The following MAGI2 variants were observed in gnomAD, a reference collection of about 807,000 sequenced individuals.
MAGI2 encodes membrane-associated guanylate kinase, WW and PDZ domain-containing protein 2.
MAGI2 carries 35 observed loss-of-function variants against 133.3 expected under a neutral mutation model. The ratio of observed to expected loss-of-function variants is 0.26; its 90% CI spans 0.20 to 0.35. The LOEUF is 0.35. MAGI2 is among the 10% of genes least tolerant of loss of function. The pLI is 1.00. For synonymous variants in MAGI2, 729 were observed against 710.6 expected, an observed-to-expected ratio of 1.03 and a Z score of -0.41; for missense variants, 1,636 against 1,863.4, an observed-to-expected ratio of 0.88 and a Z score of 2.25.
At chr7:79,244,045 T>C (rs779796869) in intron 1 of MAGI2, among the ~76,000 whole-genome samples, 1 of 152,250 alleles carries the variant, frequency 6.6e-6, no homozygotes, top group African/African-American at 2.4e-5. Context: ...TTACATCTAT[T>C]TGATGTTTCT....
chr7:78,396,633 A>T (rs1430407160), intron 6 of MAGI2, among the ~76,000 whole-genome samples: 1 of 151,968 alleles, frequency 6.6e-6, no homozygotes, highest in African/African-American at 2.4e-5. Flanking sequence ...ACATTTTACT[A>T]TTTATTTTCT....
intron 2 of MAGI2, chr7:79,000,331 C>A (rs1413877803): frequency 6.6e-6 from 1 of 152,144 alleles, no homozygotes; most frequent in African/African-American, 2.4e-5. Context: ...ATAAATGTAC[C>A]TTCATAAATA....
intron 1 of MAGI2, among the ~76,000 whole-genome samples, chr7:79,140,619 G>C (rs1822036651): frequency 6.6e-6 from 1 of 152,080 alleles, no homozygotes; most frequent in Admixed American, 6.6e-5. Context: ...AGTCAAAATA[G>C]CACAATGATT....
chr7:78,510,054 G>A (rs1465047358), intron 4 of MAGI2, among the ~76,000 whole-genome samples: 1 of 152,106 alleles, frequency 6.6e-6, no homozygotes, highest in Non-Finnish European at 1.5e-5. Flanking sequence ...AAGTAGGCAT[G>A]GCTGGAAAAC....
intron 1 of MAGI2, among the ~76,000 whole-genome samples, chr7:79,214,407 C>CTCTCTCTA (rs1554406633): frequency 6.2e-4 from 11 of 17,718 alleles, no homozygotes; most frequent in South Asian, 3.7e-3. Context: ...CTCTCTCTCT[C>CTCTCTCTA]TATATATATA....
chr7:78,213,687 A>G (rs73150210), intron 10 of MAGI2, among the ~76,000 whole-genome samples: 13,198 of 152,266 alleles, frequency 0.087, 748 homozygotes, highest in Non-Finnish European at 0.13. Context: ...GTCAAGCTGT[A>G]ACCAATCTGA....
chr7:78,976,230 C>T (rs575799781), intron 2 of MAGI2, among the ~76,000 whole-genome samples: 9 of 151,620 alleles, frequency 5.9e-5, no homozygotes, highest in African/African-American at 9.6e-5. Context: ...TTATAAACTA[C>T]AGACTGGTAA....
At chr7:78,535,422 A>C (rs2150641695) in intron 3 of MAGI2, among the ~76,000 whole-genome samples, 1 of 152,318 alleles carries the variant, frequency 6.6e-6, no homozygotes, top group Non-Finnish European at 1.5e-5. Flanking sequence ...GCAGGGTGTA[A>C]GATGGATTGG....
At chr7:78,941,733 C>T (rs1800995936) in intron 2 of MAGI2, among the ~76,000 whole-genome samples, 1 of 117,690 alleles carries the variant, frequency 8.5e-6, no homozygotes, top group Non-Finnish European at 1.8e-5. Context: ...TTTCATCACA[C>T]ACACACACAC....
intron 1 of MAGI2, among the ~76,000 whole-genome samples, chr7:79,133,504 T>C (rs1821120756): frequency 6.6e-6 from 1 of 152,156 alleles, no homozygotes; most frequent in Non-Finnish European, 1.5e-5. Flanking sequence ...TGTTCCATTG[T>C]CCCATATCCT....
rs543291770 is a variant in MAGI2 at position 79,273,029 on chromosome 7, G to T, written c.301+179991C>A. 7.2e-5 allele frequency among the ~76,000 whole-genome samples: 11 copies of T among 152,084 alleles called. No homozygotes were observed. In the East Asian group the frequency reaches 1.4e-3, roughly 19 times the overall value. On this transcript the variant is annotated intron_variant, in intron 1 of 21. Coordinates refer to ENST00000354212, the MANE Select transcript of MAGI2 (RefSeq NM_012301.4). The stretch of plus-strand genomic sequence containing the variant: ...TTTTTCCAAATTTCTGGAGGTTTTT[G>T]TGGTTAAATACTAGGCAACAGGTTT...
At chr7:79,018,947 C>G (rs569593267) in intron 1 of MAGI2, among the ~76,000 whole-genome samples, 2 of 152,230 alleles carry the variant, frequency 1.3e-5, no homozygotes, top group South Asian at 4.1e-4. Flanking sequence ...TAATGGAAGA[C>G]TTTAACACTC....
intron 2 of MAGI2, among the ~76,000 whole-genome samples, chr7:78,638,444 C>G (rs910557096): frequency 6.6e-6 from 1 of 152,236 alleles, no homozygotes; most frequent in Non-Finnish European, 1.5e-5. Context: ...TCCAAAGAAA[C>G]TTTGGTTGCA....
chr7:78,361,034 T>C (rs1259753374), intron 7 of MAGI2, among the ~76,000 whole-genome samples: 4 of 152,122 alleles, frequency 2.6e-5, no homozygotes, highest in African/African-American at 7.2e-5. Flanking sequence ...CTGTGTGCTA[T>C]TGTGCTATTT....
chr7:78,823,095 CA>C lies in MAGI2; in HGVS notation c.418+183994del, dbSNP rs1383666825. Among the ~76,000 whole-genome samples, 4 of 152,210 alleles carry C rather than the reference CA, an allele frequency of 2.6e-5. No individual in the cohort carries two copies. The South Asian group carries it at 8.3e-4, about 32-fold the overall frequency. ...GGCTCATTAGTTAGAATTTTTAGTT[CA>C]TTTTAAGACTTAAATTGTAAGGTAA... On this transcript the variant is annotated intron_variant, in intron 2 of 21. Transcript: ENST00000354212.
chr7:79,086,849 T>G (rs971410757), intron 1 of MAGI2, among the ~76,000 whole-genome samples: 1 of 151,892 alleles, frequency 6.6e-6, no homozygotes, highest in African/African-American at 2.4e-5. Context: ...TTTATTTAGC[T>G]GCTGCTAGAT....
At chr7:78,089,263 C>T (rs1267596975) in intron 20 of MAGI2, among the ~76,000 whole-genome samples, 1 of 152,196 alleles carries the variant, frequency 6.6e-6, no homozygotes, top group Non-Finnish European at 1.5e-5. Flanking sequence ...CCTGCTGATG[C>T]TTCTCATTGG....
chr7:78,607,900 C>A (rs1805996164), intron 3 of MAGI2, among the ~76,000 whole-genome samples: 1 of 152,118 alleles, frequency 6.6e-6, no homozygotes, highest in Non-Finnish European at 1.5e-5. Context: ...CTCTCAGCCT[C>A]CTATGACCTG....
chr7:78,576,217 A>G (rs902903370), intron 3 of MAGI2, among the ~76,000 whole-genome samples: 2 of 151,848 alleles, frequency 1.3e-5, no homozygotes, highest in Admixed American at 1.3e-4. Flanking sequence ...GTTTTGTCAC[A>G]GTTTAGAACT....
Sources: allele counts gnomAD v4.1 joint callset (sites outside exome capture counted in the v4.1 genomes callset), GRCh38; gene constraint gnomAD v4.1.1; transcripts MANE v1.5; gene names NCBI Gene and HGNC (gene_info 2026-07-23, HGNC 2026-07-21).